TTC9B: variants seen among roughly 807,000 people sequenced by gnomAD.
The protein encoded by TTC9B is tetratricopeptide repeat protein 9B.
A neutral mutation model predicts 19.4 loss-of-function variants in TTC9B; 12 were observed. The observed-to-expected ratio is 0.62, with a 90% CI of 0.40 to 1.00. TTC9B has a LOEUF of 1.00. Among genes scored for constraint, TTC9B ranks in the 50% least tolerant of loss-of-function variants. The pLI is 0.00. For missense variants in TTC9B, 316 were observed against 345.2 expected (o/e 0.92, Z 0.67); for synonymous variants, 156 against 158.6 (o/e 0.98, Z 0.12).
chr19:40,217,224 C>A lies in TTC9B; in HGVS notation c.573G>T (p.Leu191=). The change falls in exon 2 of 3, where the codon CTG becomes CTT. Residue 191 remains leucine, a synonymous_variant. Coordinates refer to ENST00000311308, the MANE Select transcript of TTC9B (RefSeq NM_152479.6). ...GGCTGCGGGCCTCCTGCAGGTAGCG[C>A]AGCGCGCGTGCGTAGTCGCCCAGGT... ...FYHLGDYARA[L]RYLQEARSRE... is the part of the protein sequence containing the mutation. 1 of 1,613,768 alleles carries A rather than the reference C, an allele frequency of 6.2e-7. No individual in the cohort carries two copies. Among genetic ancestry groups the A allele is most frequent in the Non-Finnish European group, 8.5e-7 (1 of 1,179,912 alleles).
At chr19:40,217,929 C>CCAACCCCA in intron 1 of TTC9B, 26 bp downstream of exon 1, 1 of 1,417,876 alleles carries the variant, frequency 7.1e-7, no homozygotes, top group Non-Finnish European at 9.2e-7. Flanking sequence ...CCTCGTGCCC[C>CCAACCCCA]ATCCCCCCAC....
chr19:40,217,910 G>GCCC, intron 1 of TTC9B, 45 bp downstream of exon 1: 3 of 1,327,612 alleles, frequency 2.3e-6, no homozygotes, highest in Non-Finnish European at 2.0e-6. Context: ...TCTCCCGATT[G>GCCC]CCCCCTCCCC....
chr19:40,217,503 C>G, intron 1 of TTC9B, 134 bp from the exon 2 acceptor site: 1 of 1,161,460 alleles, frequency 8.6e-7, no homozygotes, highest in South Asian at 1.6e-5. Flanking sequence ...GGGCGCCAAT[C>G]CGCTCGCCTA....
chr19:40,216,118 G>T lies in TTC9B; in HGVS notation c.*45C>A. On this transcript the variant is annotated 3_prime_UTR_variant, in exon 3 of 3. Transcript: ENST00000311308. Reference sequence around the variant, plus strand: ...CACATGAGTCGGGGGAAGTTACATGGTGAGGTGGGAGGGCGAGGGATAGAG... The same window carrying T: ...CACATGAGTCGGGGGAAGTTACATGTTGAGGTGGGAGGGCGAGGGATAGAG... 1.4e-6 allele frequency: 2 copies of T among 1,471,850 alleles called. No individual in the cohort carries two copies. Among genetic ancestry groups the T allele is most frequent in the Non-Finnish European group, 1.9e-6 (2 of 1,050,572 alleles). 91.2% of individuals were successfully genotyped at this position (1,471,850 alleles called of 1,614,324 possible).
At chr19:40,217,929 C>G in intron 1 of TTC9B, 26 bp downstream of exon 1, 15 of 1,417,766 alleles carry the variant, frequency 1.1e-5, no homozygotes, top group African/African-American at 1.5e-5. Flanking sequence ...CCTCGTGCCC[C>G]ATCCCCCCAC....
intron 2 of TTC9B, chr19:40,216,535 C>T: frequency 2.0e-6 from 1 of 496,340 alleles, no homozygotes. Context: ...CACTTCTCAT[C>T]CTCCAGCGAC....
chr19:40,216,882 G>C lies in TTC9B; in HGVS notation c.610+305C>G, dbSNP rs1249005406. ...TAATGGAGATGACAGTGGGTGGATA[G>C]GGAAGTGACTGAGCAGGTGAATAGG... On this transcript the variant is annotated intron_variant, in intron 2 of 2. Coordinates refer to ENST00000311308, the MANE Select transcript of TTC9B (RefSeq NM_152479.6). 1.2e-5 allele frequency: 6 copies of C among 517,468 alleles called. No individual in the cohort carries two copies. The South Asian group carries it at 1.5e-4, about 13-fold the overall frequency. 32.1% of individuals were successfully genotyped at this position (517,468 alleles called of 1,614,324 possible). A position where few individuals can be genotyped will look rare whatever the true frequency, so the allele number is the denominator to read the frequency against.
At chr19:40,216,584 G>GA (rs1443144193) in intron 2 of TTC9B, 3 of 412,284 alleles carry the variant, frequency 7.3e-6, no homozygotes, top group Admixed American at 4.1e-5. Context: ...CACTTAACAG[G>GA]AAAACTAATC....
chr19:40,217,020 T>C (rs55710849), intron 2 of TTC9B, 167 bp downstream of exon 2: 318,096 of 678,292 alleles, frequency 0.47, 79,570 homozygotes, highest in South Asian at 0.6. Context: ...GATGAATGGA[T>C]GAGTGGGCGT....
chr19:40,216,674 G>A (rs1156926121), intron 2 of TTC9B: 2 of 299,194 alleles, frequency 6.7e-6, no homozygotes, highest in African/African-American at 4.3e-5. Flanking sequence ...ACTGAGTGTT[G>A]TGTCTGCCCT....
At chr19:40,217,077 G>C in intron 2 of TTC9B, 110 bp downstream of exon 2, 1 of 1,255,858 alleles carries the variant, frequency 8.0e-7, no homozygotes, top group South Asian at 1.4e-5. Context: ...GCAGCTCCGC[G>C]GGAGGAGGGC....
Position 40,216,147 on chromosome 19 carries a change from T to A in TTC9B, c.*16A>T. The A allele has an allele frequency of 6.2e-7, 1 of 1,604,490 alleles. No individual in the cohort carries two copies. The highest frequency in any genetic ancestry group is 1.1e-5 in the South Asian group (1 of 90,896). On this transcript the variant is annotated 3_prime_UTR_variant, in exon 3 of 3. Coordinates refer to ENST00000311308, the MANE Select transcript of TTC9B (RefSeq NM_152479.6). ...GGTGGGAGGGCGAGGGATAGAGAGG[T>A]CCCCCTGGATTGGCCTCAGCCAATT...
Position 40,216,138 on chromosome 19 carries a change from A to C in TTC9B, c.*25T>G. 6.3e-7 allele frequency: 1 copy of C among 1,591,046 alleles called. No homozygotes were observed. The highest frequency in any genetic ancestry group is 8.6e-7 in the Non-Finnish European group (1 of 1,158,982). On this transcript the variant is annotated 3_prime_UTR_variant, in exon 3 of 3. Coordinates refer to ENST00000311308, the MANE Select transcript of TTC9B (RefSeq NM_152479.6). ...ACATGGTGAGGTGGGAGGGCGAGGG[A>C]TAGAGAGGTCCCCCTGGATTGGCCT...
intron 2 of TTC9B, chr19:40,216,871 G>A (rs1973374741): frequency 4.0e-6 from 2 of 500,042 alleles, no homozygotes; most frequent in Non-Finnish European, 7.3e-6. Flanking sequence ...GGAGATGACA[G>A]TGGGTGGATA....
At position 40,216,111 on chromosome 19, in the gene TTC9B, T is replaced by G; in HGVS notation, c.*52A>C. 2.1e-6 allele frequency: 3 copies of G among 1,425,086 alleles called. No homozygotes were observed. The highest frequency in any genetic ancestry group is 3.0e-6 in the Non-Finnish European group (3 of 1,008,392). 88.3% of individuals were successfully genotyped at this position (1,425,086 alleles called of 1,614,324 possible). On this transcript the variant is annotated 3_prime_UTR_variant, in exon 3 of 3. Coordinates refer to ENST00000311308, the MANE Select transcript of TTC9B (RefSeq NM_152479.6). The stretch of plus-strand genomic sequence containing the variant: ...CAACAAACACATGAGTCGGGGGAAG[T>G]TACATGGTGAGGTGGGAGGGCGAGG...
chr19:40,216,948 G>A (rs1973375812), intron 2 of TTC9B: 3 of 586,188 alleles, frequency 5.1e-6, no homozygotes, highest in Non-Finnish European at 9.1e-6. Context: ...AGAAATGGCC[G>A]GGGAGATGTC....
Position 40,218,224 on chromosome 19 carries a change from C to A in TTC9B, c.158G>T (p.Ser53Ile). Residue 53 changes from serine (S) to isoleucine (I), a missense_variant, in exon 1 of 3, where the codon AGC (serine) becomes ATC (isoleucine). Coordinates refer to ENST00000311308, the MANE Select transcript of TTC9B (RefSeq NM_152479.6). The surrounding 1 kb of genome is among the most constrained non-coding windows in gnomAD (Gnocchi z 4.2). ...RPGPTPEPSG[S>I]LGAALDSSLR... ...GCTGCTGTCGAGCGCCGCGCCCAGGCTCCCCGACGGCTCTGGGGTAGGACC... is the reference window on the plus strand; with the variant it reads ...GCTGCTGTCGAGCGCCGCGCCCAGGATCCCCGACGGCTCTGGGGTAGGACC... 6.4e-7 allele frequency: 1 copy of A among 1,563,030 alleles called. No individual in the cohort carries two copies.
intron 2 of TTC9B, chr19:40,216,887 G>C: frequency 1.9e-6 from 1 of 525,286 alleles, no homozygotes; most frequent in Non-Finnish European, 3.4e-6. Flanking sequence ...GGATAGGGAA[G>C]TGACTGAGCA....
Position 40,216,718 on chromosome 19 carries a change from GCA to G in TTC9B, c.611-448_611-447del, listed in dbSNP as rs145217647. On this transcript the variant is annotated intron_variant, in intron 2 of 2. Coordinates refer to ENST00000311308, the MANE Select transcript of TTC9B (RefSeq NM_152479.6). ...CATGTGTGTAAGTGCACACATGCACGCACACACACACACACCCCAATTTCCTG... is the reference window on the plus strand; with the variant it reads ...CATGTGTGTAAGTGCACACATGCACGCACACACACACACCCCAATTTCCTG... 1,689 of 271,112 alleles carry G rather than the reference GCA, an allele frequency of 6.2e-3. 1 individual carries two copies. The highest frequency in any genetic ancestry group is 9.6e-3 in the African/African-American group (438 of 45,782). The allele number at this position is 271,112 out of a possible 1,614,324, so 16.8% of individuals were successfully genotyped here. A position where few individuals can be genotyped will look rare whatever the true frequency, so the allele number is the denominator to read the frequency against.
Sources: allele counts gnomAD v4.1 joint callset, GRCh38; gene constraint gnomAD v4.1.1; non-coding constraint Gnocchi (gnomAD v3.1); transcripts MANE v1.5; gene names NCBI Gene and HGNC (gene_info 2026-07-23, HGNC 2026-07-21).